The following ZCCHC7 variants were observed in gnomAD, a reference collection of about 807,000 sequenced individuals.
ZCCHC7 encodes the protein zinc finger CCHC domain-containing protein 7.
ZCCHC7 carries 35 observed loss-of-function variants against 52.0 expected under a neutral mutation model. The observed-to-expected ratio is 0.67, with a 90% CI of 0.51 to 0.89. The LOEUF is 0.89. Ranked by LOEUF, ZCCHC7 falls within the 40% of genes least tolerant of loss-of-function variation. ZCCHC7 has a pLI of 0.00. For missense variants in ZCCHC7, 574 were observed against 649.1 expected (o/e 0.88, Z 1.26); for synonymous variants, 217 against 221.5 (o/e 0.98, Z 0.18).
intron 6 of ZCCHC7, among the ~76,000 whole-genome samples, chr9:37,348,200 T>C (rs958126176): frequency 1.3e-5 from 2 of 152,194 alleles, no homozygotes; most frequent in African/African-American, 4.8e-5. Flanking sequence ...ACAGTCTTCA[T>C]CAACTTTGCC....
chr9:37,337,102 A>C (rs1830705021), intron 6 of ZCCHC7, among the ~76,000 whole-genome samples: 1 of 152,156 alleles, frequency 6.6e-6, no homozygotes, highest in African/African-American at 2.4e-5. Context: ...GGGTGCCGAT[A>C]AGCGGATCTA....
intron 2 of ZCCHC7, among the ~76,000 whole-genome samples, chr9:37,223,076 CAT>C (rs1194065355): frequency 6.6e-6 from 1 of 151,948 alleles, no homozygotes; most frequent in African/African-American, 2.4e-5. Flanking sequence ...GCAATTGGGC[CAT>C]AGTTACCAAA....
chr9:37,330,272 G>C lies in ZCCHC7; in HGVS notation c.987+2438G>C, dbSNP rs181505494. On this transcript the variant is annotated intron_variant, in intron 6 of 8. Transcript: ENST00000336755. ...CAGAACTAAGAAGAAAGTTATAGAA[G>C]TGTTCACTATTTTCAACAATTTCAA... is the stretch of plus-strand genomic sequence containing the variant. Among the ~76,000 whole-genome samples, 505 of 151,752 alleles carry C rather than the reference G, an allele frequency of 3.3e-3. 3 individuals are homozygous for C. Among genetic ancestry groups the C allele is most frequent in the Non-Finnish European group, 4.7e-3 (315 of 67,700 alleles).
At position 37,179,372 on chromosome 9, in the gene ZCCHC7, C is replaced by T. The variant is rs111378660; in HGVS notation, c.610+52430C>T. Reference sequence around the variant, plus strand: ...CAGGTAAATTTCCCAATTTACCTGCCGTAATAGTGCGCTGTGTAATGCCAT... The same window carrying T: ...CAGGTAAATTTCCCAATTTACCTGCTGTAATAGTGCGCTGTGTAATGCCAT... On this transcript the variant is annotated intron_variant, in intron 2 of 8. Transcript: ENST00000336755. Among the ~76,000 whole-genome samples, 18 of 152,140 alleles carry T rather than the reference C, an allele frequency of 1.2e-4. 1 individual carries two copies. Among genetic ancestry groups the T allele is most frequent in the African/African-American group, 4.1e-4 (17 of 41,504 alleles).
At chr9:37,261,135 T>C (rs975286337) in intron 2 of ZCCHC7, among the ~76,000 whole-genome samples, 5 of 152,192 alleles carry the variant, frequency 3.3e-5, no homozygotes, top group African/African-American at 4.8e-5. Flanking sequence ...CTTAATCTTG[T>C]AATCTTGTAC....
At chr9:37,239,168 A>G (rs768462354) in intron 2 of ZCCHC7, among the ~76,000 whole-genome samples, 1 of 152,126 alleles carries the variant, frequency 6.6e-6, no homozygotes, top group Non-Finnish European at 1.5e-5. Context: ...TCATTGTGTT[A>G]TTATTGTGTG....
intron 2 of ZCCHC7, among the ~76,000 whole-genome samples, chr9:37,241,581 A>G (rs571759191): frequency 3.9e-5 from 6 of 151,974 alleles, no homozygotes; most frequent in African/African-American, 1.2e-4. Flanking sequence ...TTCTCATTTC[A>G]TCTGGAATAA....
At chr9:37,206,165 C>G (rs1426212090) in intron 2 of ZCCHC7, among the ~76,000 whole-genome samples, 1 of 151,954 alleles carries the variant, frequency 6.6e-6, no homozygotes, top group Non-Finnish European at 1.5e-5. Flanking sequence ...AGGGTTCTTT[C>G]CCTGATTTCA....
At chr9:37,266,995 T>C (rs188463451) in intron 2 of ZCCHC7, among the ~76,000 whole-genome samples, 7 of 152,224 alleles carry the variant, frequency 4.6e-5, no homozygotes, top group Admixed American at 4.6e-4. Context: ...GTATAAATGG[T>C]CAAAAAAATG....
intron 2 of ZCCHC7, among the ~76,000 whole-genome samples, chr9:37,229,529 A>G (rs1472065799): frequency 2.6e-5 from 4 of 152,208 alleles, no homozygotes; most frequent in Non-Finnish European, 5.9e-5. Flanking sequence ...CTTGTAACAC[A>G]GTGGTAAATA....
At chr9:37,183,224 A>T (rs746809922) in intron 2 of ZCCHC7, among the ~76,000 whole-genome samples, 17 of 152,170 alleles carry the variant, frequency 1.1e-4, no homozygotes, top group Non-Finnish European at 2.5e-4. Context: ...TCTTTATTTA[A>T]TACATAACAG....
chr9:37,221,381 A>G (rs551534318), intron 2 of ZCCHC7, among the ~76,000 whole-genome samples: 134 of 152,334 alleles, frequency 8.8e-4, no homozygotes, highest in African/African-American at 3.0e-3. Context: ...TGTAGCAGCT[A>G]TTATAAATGA....
At chr9:37,289,578 G>A (rs919079920) in intron 2 of ZCCHC7, among the ~76,000 whole-genome samples, 2 of 152,106 alleles carry the variant, frequency 1.3e-5, no homozygotes, top group African/African-American at 4.8e-5. Flanking sequence ...TTTTTGGACT[G>A]AATTATTGCA....
At chr9:37,232,908 T>A (rs1446427913) in intron 2 of ZCCHC7, among the ~76,000 whole-genome samples, 2 of 152,226 alleles carry the variant, frequency 1.3e-5, no homozygotes, top group African/African-American at 4.8e-5. Context: ...AGTAATCATT[T>A]GAACATGTAA....
intron 2 of ZCCHC7, among the ~76,000 whole-genome samples, chr9:37,134,954 C>T (rs1445749042): frequency 1.3e-5 from 2 of 151,904 alleles, no homozygotes; most frequent in African/African-American, 4.8e-5. Flanking sequence ...CTCAAACTCC[C>T]GACCTCAGGT....
chr9:37,158,403 C>T (rs1228003669), intron 2 of ZCCHC7, among the ~76,000 whole-genome samples: 2 of 152,034 alleles, frequency 1.3e-5, no homozygotes, highest in Non-Finnish European at 2.9e-5. Context: ...ATGAGTGAAG[C>T]AAAAGGAGGA....
intron 2 of ZCCHC7, among the ~76,000 whole-genome samples, chr9:37,233,225 G>A (rs1564194027): frequency 6.6e-6 from 1 of 152,052 alleles, no homozygotes; most frequent in East Asian, 1.9e-4. Flanking sequence ...GCTTAGCCTA[G>A]CATATCTTAA....
At chr9:37,315,821 G>A (rs1409280125) in intron 5 of ZCCHC7, among the ~76,000 whole-genome samples, 1 of 131,774 alleles carries the variant, frequency 7.6e-6, no homozygotes, top group Non-Finnish European at 1.6e-5. Context: ...TGCTTATATA[G>A]AACTTTTACC....
chr9:37,276,651 C>T (rs1481166023), intron 2 of ZCCHC7, among the ~76,000 whole-genome samples: 1 of 152,086 alleles, frequency 6.6e-6, no homozygotes, highest in East Asian at 1.9e-4. Context: ...TATTCATGAG[C>T]TATTTGCAAA....
Sources: allele counts gnomAD v4.1 joint callset (sites outside exome capture counted in the v4.1 genomes callset), GRCh38; gene constraint gnomAD v4.1.1; transcripts MANE v1.5; gene names NCBI Gene and HGNC (gene_info 2026-07-23, HGNC 2026-07-21).